FAM228B: variants seen among roughly 807,000 people sequenced by gnomAD.
FAM228B encodes family with sequence similarity 228 member B.
In FAM228B, 38 loss-of-function variants were observed where a neutral mutation model predicts 42.6. The observed-to-expected ratio is 0.89, with a 90% confidence interval of 0.69 to 1.17. The LOEUF (loss-of-function observed/expected upper bound fraction) is 1.17. Among genes scored for constraint, FAM228B ranks in the 50% most tolerant of loss-of-function variants. The pLI is 0.00. For missense variants in FAM228B, 344 were observed against 367.3 expected, an observed-to-expected ratio of 0.94 and a Z score of 0.52; for synonymous variants, 109 against 122.3, an observed-to-expected ratio of 0.89 and a Z score of 0.72.
At chr2:24,160,841 G>T (rs113501583) in intron 7 of FAM228B, among the ~76,000 whole-genome samples, 1 of 152,322 alleles carries the variant, frequency 6.6e-6, no homozygotes, top group African/African-American at 2.4e-5. Context: ...GGACTGGGAA[G>T]TGGAATGTTT....
intron 3 of FAM228B, among the ~76,000 whole-genome samples, chr2:24,107,517 A>C (rs887945704): frequency 6.6e-6 from 1 of 152,214 alleles, no homozygotes; most frequent in African/African-American, 2.4e-5. Flanking sequence ...AAAATCAACC[A>C]GACAATCAGA....
At chr2:24,153,567 T>A (rs969551759) in intron 7 of FAM228B, among the ~76,000 whole-genome samples, 2 of 152,200 alleles carry the variant, frequency 1.3e-5, no homozygotes, top group Non-Finnish European at 2.9e-5. Flanking sequence ...GTATCCGAGA[T>A]GCAGGACAAA....
At chr2:24,086,710 T>C (rs972969506) in intron 2 of FAM228B, among the ~76,000 whole-genome samples, 1 of 152,142 alleles carries the variant, frequency 6.6e-6, no homozygotes, top group Non-Finnish European at 1.5e-5. Flanking sequence ...TAGACTAGCG[T>C]CTATTGACTA....
intron 2 of FAM228B, among the ~76,000 whole-genome samples, chr2:24,134,400 A>G (rs1426998148): frequency 6.6e-6 from 1 of 152,256 alleles, no homozygotes; most frequent in East Asian, 1.9e-4. Context: ...CTGTTGACAT[A>G]TTCTTAACTA....
At chr2:24,155,659 G>C (rs1476635032) in intron 7 of FAM228B, among the ~76,000 whole-genome samples, 2 of 147,608 alleles carry the variant, frequency 1.4e-5, no homozygotes, top group Non-Finnish European at 3.0e-5. Context: ...TCCTGCCTCA[G>C]CCTCCCGAGC....
At chr2:24,101,957 C>G (rs1228515486) in intron 3 of FAM228B, among the ~76,000 whole-genome samples, 1 of 152,196 alleles carries the variant, frequency 6.6e-6, no homozygotes, top group Non-Finnish European at 1.5e-5. Context: ...GCTGGGATTA[C>G]AGGCGTGAGC....
intron 2 of FAM228B, chr2:24,081,139 T>A: frequency 1.2e-6 from 1 of 854,202 alleles, no homozygotes; most frequent in Non-Finnish European, 1.6e-6. Context: ...GCCAAATCAA[T>A]CTTTTGCTTT....
At chr2:24,119,493 G>A, upstream of FAM228B, 1 of 949,242 alleles carries the variant, frequency 1.1e-6, no homozygotes, top group Non-Finnish European at 1.6e-6. Context: ...TGCCCTAGCT[G>A]GTTTGAGTTG....
intron 2 of FAM228B, among the ~76,000 whole-genome samples, chr2:24,127,408 T>C (rs932785316): frequency 6.6e-6 from 1 of 152,222 alleles, no homozygotes; most frequent in Non-Finnish European, 1.5e-5. Context: ...ATGAACATTT[T>C]GTGTAACTTT....
intron 5 of FAM228B, among the ~76,000 whole-genome samples, chr2:24,140,951 G>A (rs1008335538): frequency 4.0e-5 from 6 of 150,518 alleles, no homozygotes; most frequent in Non-Finnish European, 8.8e-5. Flanking sequence ...GCAACAGAGT[G>A]AGTGAGACTC....
chr2:24,082,330 G>A (rs1399262644), intron 2 of FAM228B, among the ~76,000 whole-genome samples: 1 of 152,134 alleles, frequency 6.6e-6, no homozygotes, highest in Non-Finnish European at 1.5e-5. Context: ...TCCTTCACAA[G>A]TCTACCCACC....
intron 2 of FAM228B, among the ~76,000 whole-genome samples, chr2:24,134,409 T>C (rs1254517309): frequency 6.6e-6 from 1 of 152,266 alleles, no homozygotes; most frequent in African/African-American, 2.4e-5. Context: ...TATTCTTAAC[T>C]AGTTCTGTAA....
At chr2:24,086,348 G>T (rs1264663266) in intron 2 of FAM228B, among the ~76,000 whole-genome samples, 1 of 152,048 alleles carries the variant, frequency 6.6e-6, no homozygotes, top group Non-Finnish European at 1.5e-5. Context: ...AGATTATACG[G>T]ATTGAAAACA....
chr2:24,122,044 T>C (rs13006081), upstream of FAM228B, among the ~76,000 whole-genome samples: 17,939 of 152,252 alleles, frequency 0.12, 1,250 homozygotes, highest in South Asian at 0.18. Flanking sequence ...TTAAAAGTCA[T>C]GTCTGGGCTG....
chr2:24,166,783 T>C (rs908858801), intron 9 of FAM228B, among the ~76,000 whole-genome samples: 4 of 152,128 alleles, frequency 2.6e-5, no homozygotes, highest in African/African-American at 9.7e-5. Context: ...TCCTCTGAGA[T>C]GACGTTTGTG....
In FAM228B at chr2:24,143,440, C is replaced by T. The variant is rs534368554; in HGVS notation, c.442-3308C>T. Among the ~76,000 whole-genome samples, 26 of 152,282 alleles carry T rather than the reference C, an allele frequency of 1.7e-4. No individual in the cohort carries two copies. In the South Asian group the frequency reaches 2.3e-3, roughly 13 times the overall value. On this transcript the variant is annotated intron_variant, in intron 5 of 10. Coordinates refer to ENST00000615575, the MANE Select transcript of FAM228B (RefSeq NM_001145710.2). ...TGATCTCCTGACCTCGTGATCCGCCCGCCTTGGCCTCCCAAAATGCTGGGA... is the reference window on the plus strand; with the variant it reads ...TGATCTCCTGACCTCGTGATCCGCCTGCCTTGGCCTCCCAAAATGCTGGGA...
At chr2:24,110,760 G>A (rs1265281282) in intron 3 of FAM228B, among the ~76,000 whole-genome samples, 1 of 151,924 alleles carries the variant, frequency 6.6e-6, no homozygotes, top group African/African-American at 2.4e-5. Flanking sequence ...CATGAGTCAT[G>A]GGACTCCCCC....
chr2:24,152,802 T>C (rs1193399299), intron 7 of FAM228B, among the ~76,000 whole-genome samples: 1 of 152,186 alleles, frequency 6.6e-6, no homozygotes, highest in Middle Eastern at 3.2e-3. Flanking sequence ...GTCCCAGGCA[T>C]GTCCAGAGAT....
At chr2:24,138,915 C>T (rs1287033132) in intron 4 of FAM228B, among the ~76,000 whole-genome samples, 1 of 148,902 alleles carries the variant, frequency 6.7e-6, no homozygotes, top group Non-Finnish European at 1.5e-5. Flanking sequence ...CTCTGTACTC[C>T]AGCCTGGGTG....
Sources: allele counts gnomAD v4.1 joint callset (sites outside exome capture counted in the v4.1 genomes callset), GRCh38; gene constraint gnomAD v4.1.1; transcripts MANE v1.5; gene names NCBI Gene and HGNC (gene_info 2026-07-23, HGNC 2026-07-21).